HDDC3: variants seen among roughly 807,000 people sequenced by gnomAD.
The protein encoded by HDDC3 is guanosine-3',5'-bis(diphosphate) 3'-pyrophosphohydrolase MESH1.
In HDDC3, 18 loss-of-function variants were observed where a neutral mutation model predicts 19.1. That is an observed-to-expected ratio of 0.94 (90% CI 0.65 to 1.40). The LOEUF is 1.40. Among genes scored for constraint, HDDC3 ranks in the 40% most tolerant of loss-of-function variants. The probability of loss-of-function intolerance (pLI) is 0.00; values close to 1 mark genes in which losing one functional copy is unlikely to be tolerated. For synonymous variants in HDDC3, 107 were observed against 99.4 expected (o/e 1.08, Z -0.46); for missense variants, 250 against 228.9 (o/e 1.09, Z -0.59).
chr15:90,932,185 C>T, intron 1 of HDDC3, 75 bp from the exon 2 acceptor site: 1 of 1,461,254 alleles, frequency 6.8e-7, no homozygotes, highest in Non-Finnish European at 9.2e-7. Flanking sequence ...TTTGGAGAGC[C>T]AGATGTGGCC....
chr15:90,932,085 C>T lies in HDDC3; in HGVS notation c.138G>A (p.Glu46=). 1.2e-6 allele frequency: 2 copies of T among 1,607,982 alleles called. No individual in the cohort carries two copies. Among genetic ancestry groups the T allele is most frequent in the South Asian group, 2.2e-5 (2 of 90,082 alleles). The stretch of plus-strand genomic sequence containing the variant: ...ACACCACAATGTCAGTGATTCCCGC[C>T]TCGTGGGTCAGGATCCGTGCCACAC... ...PIGVARILTH[E]AGITDIVVLQ... Residue 46 remains glutamate (E), a synonymous_variant, in exon 2 of 4, where the codon GAG becomes GAA. Coordinates refer to ENST00000394272, the MANE Select transcript of HDDC3 (RefSeq NM_001286451.2).
chr15:90,931,844 G>A lies in HDDC3; in HGVS notation c.269C>T (p.Thr90Ile). Residue 90 changes from threonine (T) to isoleucine (I), a missense_variant, in exon 3 of 4, where the codon ACA becomes ATA. Transcript: ENST00000394272. ...AQVRRLVEEVTDDKTLPKLER... is the reference protein window; with the variant it reads ...AQVRRLVEEVIDDKTLPKLER... ...CAGCTTGGGCAGAGTCTTGTCATCT[G>A]TTACCTCCTCCACCAGGCGCCGCAC... is the stretch of plus-strand genomic sequence containing the variant. 6.2e-7 allele frequency: 1 copy of A among 1,614,122 alleles called. No individual in the cohort carries two copies. The highest frequency in any genetic ancestry group is 8.5e-7 in the Non-Finnish European group (1 of 1,180,022).
rs1372089207 is a variant in HDDC3, at chr15:90,930,426, G to C, written c.*849C>G. ...GTCACCCAAGCTGGAGTGCAGTGGC[G>C]CGATCTCGGCTCAGTACAAACTCCG... On this transcript the variant is annotated 3_prime_UTR_variant, in exon 4 of 4. Coordinates refer to ENST00000394272, the MANE Select transcript of HDDC3 (RefSeq NM_001286451.2). 1 of 152,332 alleles carries C rather than the reference G, an allele frequency of 6.6e-6. No homozygotes were observed. Among genetic ancestry groups the C allele is most frequent in the Non-Finnish European group, 1.5e-5 (1 of 68,128 alleles). 9.4% of individuals were successfully genotyped at this position (152,332 alleles called of 1,614,324 possible).
rs957292376 is a variant in HDDC3, at chr15:90,931,693, C to A, written c.409+11G>T. 6 of 1,613,876 alleles carry A rather than the reference C, an allele frequency of 3.7e-6. No individual in the cohort carries two copies. Among genetic ancestry groups the A allele is most frequent in the Non-Finnish European group, 5.1e-6 (6 of 1,179,958 alleles). ...CCTCCCTTTTCCCTTACAGCCCATACGAAAGCGTACCCTCTGGGGTGCAGC... is the reference window on the plus strand; with the variant it reads ...CCTCCCTTTTCCCTTACAGCCCATAAGAAAGCGTACCCTCTGGGGTGCAGC... On this transcript the variant is annotated intron_variant, in intron 3 of 3. Transcript: ENST00000394272.
In HDDC3 at chr15:90,931,897, ATCC is replaced by A; in HGVS notation, c.213_215del (p.Asp72del). The A allele has an allele frequency of 1.2e-6, 2 of 1,613,934 alleles. No individual in the cohort carries two copies. Among genetic ancestry groups the A allele is most frequent in the Non-Finnish European group, 1.7e-6 (2 of 1,179,978 alleles). ...GTGCCCCAAAGTGTAGCTCCACCTC[ATCC>A]AGGGTGGTGTCTGTGTCCTCCACCG... On this transcript the variant is annotated inframe_deletion, in exon 3 of 4. Coordinates refer to ENST00000394272, the MANE Select transcript of HDDC3 (RefSeq NM_001286451.2).
At position 90,932,486 on chromosome 15, in the gene HDDC3, G is replaced by A; in HGVS notation, c.55C>T (p.His19Tyr). 2 of 1,309,062 alleles carry A rather than the reference G, an allele frequency of 1.5e-6. No homozygotes were observed. Among genetic ancestry groups the A allele is most frequent in the Admixed American group, 3.7e-5 (1 of 27,022 alleles). The allele number at this position is 1,309,062 out of a possible 1,614,324, so 81.1% of individuals were successfully genotyped here. Residue 19 changes from histidine to tyrosine, a missense_variant, in exon 1 of 4, where the codon CAC becomes TAC. Transcript: ENST00000394272. ...LEAADFAARK[H>Y]RQQRRKDPEG... ...GGGTCCTTCCGCCGCTGCTGCCGGT[G>A]CTTGCGAGCCGCGAAGTCGGCAGCC...
Position 90,931,415 on chromosome 15 carries a change from A to G in HDDC3, c.410-10T>C, listed in dbSNP as rs1359111083. 1.9e-6 allele frequency: 3 copies of G among 1,596,488 alleles called. No individual in the cohort carries two copies. Among genetic ancestry groups the G allele is most frequent in the Non-Finnish European group, 2.6e-6 (3 of 1,170,938 alleles). On this transcript the variant is annotated splice_polypyrimidine_tract_variant and intron_variant, in intron 3 of 3. Coordinates refer to ENST00000394272, the MANE Select transcript of HDDC3 (RefSeq NM_001286451.2). ...CGATGTTCTGACCATCCTGCATAAG[A>G]GTCGACAGAAACTTGCTAGCGTGAT...
Position 90,930,156 on chromosome 15 carries a change from C to A in HDDC3, c.*1119G>T, listed in dbSNP as rs2035741025. On this transcript the variant is annotated 3_prime_UTR_variant, in exon 4 of 4. Transcript: ENST00000394272. ...GGGTCGGACAGCCCCGGGCCACTTC[C>A]GGGCCTTCCCGGAAGTCCCTGTCAC... The A allele has an allele frequency of 6.6e-6, 1 of 152,152 alleles. No homozygotes were observed. Among genetic ancestry groups the A allele is most frequent in the African/African-American group, 2.4e-5 (1 of 41,454 alleles). 9.4% of individuals were successfully genotyped at this position (152,152 alleles called of 1,614,324 possible).
In HDDC3 at chr15:90,932,456, CCTCGGGGTCCT is replaced by C; in HGVS notation, c.74_84del (p.Lys25ArgfsTer23). The C allele has an allele frequency of 7.5e-7, 1 of 1,342,250 alleles. No homozygotes were observed. Among genetic ancestry groups the C allele is most frequent in the Non-Finnish European group, 9.5e-7 (1 of 1,048,288 alleles). 83.1% of individuals were successfully genotyped at this position (1,342,250 alleles called of 1,614,324 possible). Reference sequence around the variant, plus strand: ...ATGGGGTGGTTGATGTAGGGGGTCCCCTCGGGGTCCTTCCGCCGCTGCTGCCGGTGCTTGCG... The same window carrying C: ...ATGGGGTGGTTGATGTAGGGGGTCCCTCCGCCGCTGCTGCCGGTGCTTGCG... On this transcript the variant is annotated frameshift_variant, in exon 1 of 4. Coordinates refer to ENST00000394272, the MANE Select transcript of HDDC3 (RefSeq NM_001286451.2). LOFTEE classifies it high-confidence loss of function.
chr15:90,931,454 C>G, intron 3 of HDDC3, 49 bp from the exon 4 acceptor site: 3 of 1,613,668 alleles, frequency 1.9e-6, no homozygotes, highest in Non-Finnish European at 2.5e-6. Context: ...AAGGAAAGCA[C>G]TGCCTTTTCC....
chr15:90,932,484 G>A lies in HDDC3; in HGVS notation c.57C>T (p.His19=). 1.5e-6 allele frequency: 2 copies of A among 1,310,758 alleles called. No individual in the cohort carries two copies. Among genetic ancestry groups the A allele is most frequent in the South Asian group, 2.3e-5 (1 of 42,752 alleles). 81.2% of individuals were successfully genotyped at this position (1,310,758 alleles called of 1,614,324 possible). Residue 19 remains histidine (H), a synonymous_variant, in exon 1 of 4, where the codon CAC becomes CAT. Transcript: ENST00000394272. ...CGGGGTCCTTCCGCCGCTGCTGCCG[G>A]TGCTTGCGAGCCGCGAAGTCGGCAG... is the stretch of plus-strand genomic sequence containing the variant. ...LEAADFAARK[H]RQQRRKDPEG... is the part of the protein sequence containing the mutation.
Position 90,931,761 on chromosome 15 carries a change from C to A in HDDC3, c.352G>T (p.Val118Leu). The change falls in exon 3 of 4, where the codon GTG (valine) becomes TTG (leucine). Residue 118 changes from valine to leucine, a missense_variant. By Grantham distance (32) the Val-to-Leu change is conservative. Coordinates refer to ENST00000394272, the MANE Select transcript of HDDC3 (RefSeq NM_001286451.2). ...TTGTACAGCTTGTCTGCCAGCTTCA[C>A]CAGTTTGGCCCCGGGGCTACTGTGG... ...APHSSPGAKL[V>L]KLADKLYNLR... The A allele has an allele frequency of 6.2e-7, 1 of 1,614,152 alleles. No homozygotes were observed. Among genetic ancestry groups the A allele is most frequent in the Non-Finnish European group, 8.5e-7 (1 of 1,180,034 alleles).
At chr15:90,931,459 T>C in intron 3 of HDDC3, 54 bp from the exon 4 acceptor site, 1 of 1,613,762 alleles carries the variant, frequency 6.2e-7, no homozygotes, top group Non-Finnish European at 8.5e-7. Context: ...AAGCACTGCC[T>C]TTTCCCCACT....
Position 90,931,946 on chromosome 15 carries a change from T to G in HDDC3, c.169-2A>C. On this transcript the variant is annotated splice_acceptor_variant, in intron 2 of 3. Coordinates refer to ENST00000394272, the MANE Select transcript of HDDC3 (RefSeq NM_001286451.2). LOFTEE classifies it high-confidence loss of function. ...CACCGTGTCATGGAGCAGGGCCGCC[T>G]GGGGACAAGTTCCCACTCAGCCCTG... 6.2e-7 allele frequency: 1 copy of G among 1,613,822 alleles called. No homozygotes were observed. Among genetic ancestry groups the G allele is most frequent in the Non-Finnish European group, 8.5e-7 (1 of 1,179,896 alleles).
intron 1 of HDDC3, 67 bp downstream of exon 1, chr15:90,932,362 C>T: frequency 9.9e-7 from 1 of 1,005,526 alleles, no homozygotes; most frequent in Non-Finnish European, 1.4e-6. Flanking sequence ...TGCACGCCCC[C>T]CACGTTTCCT....
Position 90,930,786 on chromosome 15 carries a change from G to A in HDDC3, c.*489C>T. On this transcript the variant is annotated 3_prime_UTR_variant, in exon 4 of 4. Transcript: ENST00000394272. ...ATTACACAACCCATGTCACTGACAA[G>A]GAAGCCAGGTTCGGAGGGGTTGAGG... 5.7e-6 allele frequency: 1 copy of A among 173,942 alleles called. No homozygotes were observed. The highest frequency in any genetic ancestry group is 1.5e-4 in the East Asian group (1 of 6,518). The allele number at this position is 173,942 out of a possible 1,614,324, so 10.8% of individuals were successfully genotyped here.
In HDDC3 at chr15:90,932,513, C is replaced by G. The variant is rs777219665; in HGVS notation, c.28G>C (p.Glu10Gln). Residue 10 changes from glutamate to glutamine, a missense_variant, in exon 1 of 4, where the codon GAG becomes CAG. Glu to Gln is a conservative substitution (Grantham distance 29). Coordinates refer to ENST00000394272, the MANE Select transcript of HDDC3 (RefSeq NM_001286451.2). MGSEAAQLL[E>Q]AADFAARKHR... ...TTGCGAGCCGCGAAGTCGGCAGCCT[C>G]CAGCAGCTGCGCCGCCTCAGAGCCC... 2.3e-6 allele frequency: 3 copies of G among 1,299,422 alleles called. No individual in the cohort carries two copies. Among genetic ancestry groups the G allele is most frequent in the African/African-American group, 1.5e-5 (1 of 65,482 alleles). 80.5% of individuals were successfully genotyped at this position (1,299,422 alleles called of 1,614,324 possible). A position where few individuals can be genotyped will look rare whatever the true frequency, so the allele number is the denominator to read the frequency against.
chr15:90,930,767 C>T lies in HDDC3; in HGVS notation c.*508G>A, dbSNP rs761739026. 44 of 170,216 alleles carry T rather than the reference C, an allele frequency of 2.6e-4. No homozygotes were observed. The highest frequency in any genetic ancestry group is 5.1e-4 in the Non-Finnish European group (39 of 77,130). 10.5% of individuals were successfully genotyped at this position (170,216 alleles called of 1,614,324 possible). On this transcript the variant is annotated 3_prime_UTR_variant, in exon 4 of 4. Coordinates refer to ENST00000394272, the MANE Select transcript of HDDC3 (RefSeq NM_001286451.2). ...GTCACAGTCTAACCTGATAATTACA[C>T]AACCCATGTCACTGACAAGGAAGCC...
Position 90,932,121 on chromosome 15 carries a change from G to T in HDDC3, c.113-11C>A. ...GGATCCGTGCCACACCTGACGGGGAGGGGCAAAGCAGGAAGTCAGGTCGGA... is the reference window on the plus strand; with the variant it reads ...GGATCCGTGCCACACCTGACGGGGATGGGCAAAGCAGGAAGTCAGGTCGGA... On this transcript the variant is annotated splice_polypyrimidine_tract_variant and intron_variant, in intron 1 of 3. Coordinates refer to ENST00000394272, the MANE Select transcript of HDDC3 (RefSeq NM_001286451.2). 6.3e-7 allele frequency: 1 copy of T among 1,581,778 alleles called. No homozygotes were observed. Among genetic ancestry groups the T allele is most frequent in the African/African-American group, 1.3e-5 (1 of 74,384 alleles).
Sources: gnomAD v4.1 joint callset for allele counts on GRCh38, gnomAD v4.1.1 for gene constraint, MANE v1.5 for transcripts, NCBI Gene and HGNC (gene_info 2026-07-23, HGNC 2026-07-21) for gene names.